The following BCAR3 variants were observed in gnomAD, a reference collection of about 807,000 sequenced individuals.
BCAR3 encodes the protein BCAR3 adaptor protein, NSP family member, also known as breast cancer anti-estrogen resistance protein 3.
A neutral mutation model predicts 80.1 loss-of-function variants in BCAR3; 37 were observed. That is an observed-to-expected ratio of 0.46 (90% CI 0.36 to 0.61). The LOEUF is 0.61. Ranked by LOEUF, BCAR3 falls within the 20% of genes least tolerant of loss-of-function variation. The probability of loss-of-function intolerance (pLI) is 0.00; values close to 1 mark genes in which losing one functional copy is unlikely to be tolerated. For synonymous variants in BCAR3, 389 were observed against 418.9 expected, an observed-to-expected ratio of 0.93 and a Z score of 0.87; for missense variants, 978 against 1,068.2, an observed-to-expected ratio of 0.92 and a Z score of 1.18.
chr1:93,803,718 A>G (rs1653570319), intron 2 of BCAR3, among the ~76,000 whole-genome samples: 1 of 152,304 alleles, frequency 6.6e-6, no homozygotes, highest in South Asian at 2.1e-4. Flanking sequence ...TAAAGAAATC[A>G]AAGTTAATTT....
chr1:93,568,569 A>G (rs1673065433), intron 9 of BCAR3, among the ~76,000 whole-genome samples: 1 of 152,266 alleles, frequency 6.6e-6, no homozygotes, highest in Non-Finnish European at 1.5e-5. Context: ...CTGATCCTAG[A>G]AAATTCCAGT....
intron 2 of BCAR3, among the ~76,000 whole-genome samples, chr1:93,814,248 C>T (rs1376577925): frequency 6.6e-6 from 1 of 152,210 alleles, no homozygotes; most frequent in Non-Finnish European, 1.5e-5. Flanking sequence ...GTATTCTCAA[C>T]ATTGCAGCTG....
At position 93,563,755 on chromosome 1, in the gene BCAR3, C is replaced by T. The variant is rs149589695; in HGVS notation, c.2300-1336G>A. Among the ~76,000 whole-genome samples, 891 of 152,196 alleles carry T rather than the reference C, an allele frequency of 5.9e-3. 6 individuals carry two copies. The highest frequency in any genetic ancestry group is 0.015 in the South Asian group (72 of 4,818). ...TTGCCCAGGCTGGAGTGCAGTGGCACGATCCTGGCTCACCACAACCTCTAC... is the reference window on the plus strand; with the variant it reads ...TTGCCCAGGCTGGAGTGCAGTGGCATGATCCTGGCTCACCACAACCTCTAC... On this transcript the variant is annotated intron_variant, in intron 11 of 11. Transcript: ENST00000260502.
At chr1:93,779,035 G>A (rs965923409) in intron 2 of BCAR3, among the ~76,000 whole-genome samples, 1 of 152,142 alleles carries the variant, frequency 6.6e-6, no homozygotes, top group African/African-American at 2.4e-5. Context: ...AAGCAGTTGA[G>A]GAGGATGGGA....
At chr1:93,669,114 T>C (rs1648078956) in intron 2 of BCAR3, among the ~76,000 whole-genome samples, 1 of 152,198 alleles carries the variant, frequency 6.6e-6, no homozygotes, top group Non-Finnish European at 1.5e-5. Context: ...ATAAATAAAC[T>C]GCAGATGTTT....
intron 2 of BCAR3, among the ~76,000 whole-genome samples, chr1:93,837,178 T>C (rs1381213617): frequency 2.0e-5 from 3 of 151,980 alleles, no homozygotes; most frequent in Admixed American, 6.6e-5. Context: ...GACTGTGCCA[T>C]TGCACTCCAG....
chr1:93,600,827 A>G (rs1399526221), intron 3 of BCAR3: 1 of 152,498 alleles, frequency 6.6e-6, no homozygotes, highest in Non-Finnish European at 1.5e-5. Context: ...CAGACAAGGT[A>G]GGTGGGGACC....
chr1:93,779,160 C>T (rs1002835829), intron 2 of BCAR3, among the ~76,000 whole-genome samples: 6 of 152,152 alleles, frequency 3.9e-5, no homozygotes, highest in Non-Finnish European at 8.8e-5. Context: ...AGGCAATTCA[C>T]TTTTGTATAG....
chr1:93,781,586 A>C (rs1448334901), intron 2 of BCAR3, among the ~76,000 whole-genome samples: 1 of 152,202 alleles, frequency 6.6e-6, no homozygotes, highest in Non-Finnish European at 1.5e-5. Context: ...CAGATGATGA[A>C]AACAGGGCTC....
At position 93,586,373 on chromosome 1, in the gene BCAR3, A is replaced by G. The variant is rs1673942052; in HGVS notation, c.930-2252T>C. Among the ~76,000 whole-genome samples the G allele has an allele frequency of 6.6e-6, 1 of 152,208 alleles. No individual in the cohort carries two copies. Among genetic ancestry groups the G allele is most frequent in the South Asian group, 2.1e-4 (1 of 4,834 alleles). Reference sequence around the variant, plus strand: ...TCCAATTCCATCCACGTGGTTGCAAATAACAGGATCTCATTGTTTTTATGG... The same window carrying G: ...TCCAATTCCATCCACGTGGTTGCAAGTAACAGGATCTCATTGTTTTTATGG... On this transcript the variant is annotated intron_variant, in intron 5 of 11. Transcript: ENST00000260502. This position sits in a 1 kb window ranked among gnomAD's most constrained non-coding sequence, Gnocchi z 4.2.
At chr1:93,806,835 AG>A (rs1264539085) in intron 2 of BCAR3, among the ~76,000 whole-genome samples, 2 of 152,314 alleles carry the variant, frequency 1.3e-5, no homozygotes, top group South Asian at 2.1e-4. Flanking sequence ...GAATAGTAGA[AG>A]GCTGGGCATG....
chr1:93,767,828 T>C (rs1046191727), intron 2 of BCAR3, among the ~76,000 whole-genome samples: 1 of 145,594 alleles, frequency 6.9e-6, no homozygotes, highest in African/African-American at 2.4e-5. Context: ...GAAAATGGGT[T>C]AAGTGAAAAT....
chr1:93,767,416 T>C (rs996323763), intron 2 of BCAR3, among the ~76,000 whole-genome samples: 2 of 151,538 alleles, frequency 1.3e-5, no homozygotes, highest in Admixed American at 6.6e-5. Flanking sequence ...CTCAGTTACT[T>C]GGGAGACTGA....
chr1:93,597,952 A>G (rs1044224508), intron 3 of BCAR3, among the ~76,000 whole-genome samples: 4 of 152,224 alleles, frequency 2.6e-5, no homozygotes, highest in Admixed American at 2.0e-4. Flanking sequence ...GAATCTGGAA[A>G]GCACATCTCT....
chr1:93,563,994 T>TATCA (rs1029664843), intron 11 of BCAR3, among the ~76,000 whole-genome samples: 4 of 151,474 alleles, frequency 2.6e-5, no homozygotes, highest in African/African-American at 4.9e-5. Context: ...GTGCCTGGCC[T>TATCA]ATCATTCTTT....
chr1:93,712,836 C>T (rs1289461034), intron 2 of BCAR3, among the ~76,000 whole-genome samples: 1 of 152,220 alleles, frequency 6.6e-6, no homozygotes, highest in East Asian at 1.9e-4. Flanking sequence ...GGGTTCTCGT[C>T]CCAAAGCTAT....
chr1:93,567,129 A>T, intron 11 of BCAR3, 150 bp downstream of exon 11: 1 of 920,142 alleles, frequency 1.1e-6, no homozygotes, highest in Non-Finnish European at 1.6e-6. Context: ...AATTAAGAGG[A>T]AGTAATAACT....
intron 2 of BCAR3, among the ~76,000 whole-genome samples, chr1:93,747,406 A>G (rs1651398282): frequency 1.3e-5 from 2 of 151,606 alleles, no homozygotes; most frequent in Non-Finnish European, 2.9e-5. Flanking sequence ...GCTACCCTCT[A>G]CTTTCCACAG....
At chr1:93,621,725 T>C (rs1286201047) in intron 3 of BCAR3, among the ~76,000 whole-genome samples, 1 of 152,136 alleles carries the variant, frequency 6.6e-6, no homozygotes, top group Non-Finnish European at 1.5e-5. Context: ...GACAGAAAAT[T>C]GGAAGAGCTA....
Sources: allele counts gnomAD v4.1 joint callset (sites outside exome capture counted in the v4.1 genomes callset), GRCh38; gene constraint gnomAD v4.1.1; non-coding constraint Gnocchi (gnomAD v3.1); transcripts MANE v1.5; gene names NCBI Gene and HGNC (gene_info 2026-07-23, HGNC 2026-07-21).